The following SHLD2 variants were observed in gnomAD, a reference collection of about 807,000 sequenced individuals.
SHLD2 encodes RINN1-REV7-interacting novel NHEJ regulator 2.
A neutral mutation model predicts 73.2 loss-of-function variants in SHLD2; 30 were observed. The observed-to-expected ratio is 0.41, with a 90% CI of 0.31 to 0.56. The LOEUF is 0.56. Ranked by LOEUF, SHLD2 falls within the 20% of genes least tolerant of loss-of-function variation. The pLI is 0.28. For missense variants in SHLD2, 745 were observed against 1,055.9 expected (o/e 0.71, Z 4.08); for synonymous variants, 285 against 370.1 (o/e 0.77, Z 2.64).
chr10:87,171,665 AT>A (rs1236362695), intron 6 of SHLD2, among the ~76,000 whole-genome samples: 3 of 152,190 alleles, frequency 2.0e-5, no homozygotes, highest in Non-Finnish European at 2.9e-5. Flanking sequence ...TTAGAGATTG[AT>A]TCAGTATATT....
intron 2 of SHLD2, among the ~76,000 whole-genome samples, chr10:87,105,513 G>A (rs1336368026): frequency 6.6e-6 from 1 of 152,220 alleles, no homozygotes; most frequent in Admixed American, 6.5e-5. Flanking sequence ...TCCTTAGGAT[G>A]CCTTGACCCT....
In SHLD2 at chr10:87,190,622, A is replaced by AT. The variant is rs1302900006; in HGVS notation, c.2657dup (p.Ser887LeufsTer8). ...GAAAACAGCTATCCATTACAACAAGATTTCTCCCTCCTGGATTTTTATCCT... is the reference window on the plus strand; with the variant it reads ...GAAAACAGCTATCCATTACAACAAGATTTTCTCCCTCCTGGATTTTTATCCT... On this transcript the variant is annotated frameshift_variant, in exon 10 of 10. Transcript: ENST00000298786. LOFTEE classifies it low-confidence loss of function (END_TRUNC). 1 of 1,611,788 alleles carries AT rather than the reference A, an allele frequency of 6.2e-7. No individual in the cohort carries two copies. Among genetic ancestry groups the AT allele is most frequent in the Non-Finnish European group, 8.5e-7 (1 of 1,179,824 alleles).
chr10:87,187,460 T>G (rs1848689781), intron 9 of SHLD2, among the ~76,000 whole-genome samples: 1 of 152,226 alleles, frequency 6.6e-6, no homozygotes, highest in Non-Finnish European at 1.5e-5. Context: ...CTATTTTACT[T>G]AACTCTAGTT....
At chr10:87,154,817 G>A (rs1266024879) in intron 3 of SHLD2, among the ~76,000 whole-genome samples, 4 of 152,196 alleles carry the variant, frequency 2.6e-5, no homozygotes, top group Non-Finnish European at 4.4e-5. Context: ...GTGATACAGA[G>A]GAGGTATTTA....
chr10:87,131,205 T>TAA (rs1844405157), intron 2 of SHLD2, among the ~76,000 whole-genome samples: 1 of 152,114 alleles, frequency 6.6e-6, no homozygotes, highest in Non-Finnish European at 1.5e-5. Context: ...TTAAGCATCT[T>TAA]TTTTGTTGTG....
chr10:87,095,019 CGCGCCGGCGGG>C (rs893429196), upstream of SHLD2, among the ~76,000 whole-genome samples: 1 of 145,594 alleles, frequency 6.9e-6, no homozygotes, highest in African/African-American at 2.5e-5. Flanking sequence ...GGCGGCAGCG[CGCGCCGGCGGG>C]GCGTCGGGGG....
At chr10:87,128,292 T>C (rs1844181969) in intron 2 of SHLD2, among the ~76,000 whole-genome samples, 1 of 152,248 alleles carries the variant, frequency 6.6e-6, no homozygotes. Context: ...CATGATTTGC[T>C]GTGTCCTTGT....
chr10:87,149,577 G>A (rs1386815521), intron 2 of SHLD2, among the ~76,000 whole-genome samples: 1 of 151,854 alleles, frequency 6.6e-6, no homozygotes, highest in South Asian at 2.1e-4. Context: ...ACTAAAATTA[G>A]CTGGGCGTGG....
chr10:87,139,695 GGA>G (rs1442437142), intron 2 of SHLD2, among the ~76,000 whole-genome samples: 1 of 152,134 alleles, frequency 6.6e-6, no homozygotes, highest in Non-Finnish European at 1.5e-5. Flanking sequence ...GGGTGTGGTG[GGA>G]TGTGCCTGTA....
At chr10:87,159,148 A>G (rs1481402555) in intron 4 of SHLD2, among the ~76,000 whole-genome samples, 1 of 152,194 alleles carries the variant, frequency 6.6e-6, no homozygotes. Flanking sequence ...AAGTTATAGG[A>G]TATATATATG....
chr10:87,175,191 A>G (rs1261777611), intron 6 of SHLD2, among the ~76,000 whole-genome samples: 1 of 151,902 alleles, frequency 6.6e-6, no homozygotes, highest in African/African-American at 2.4e-5. Flanking sequence ...TTTTTGTTCT[A>G]GAAAAGTTAA....
intron 4 of SHLD2, among the ~76,000 whole-genome samples, chr10:87,170,122 G>A (rs1589632909): frequency 1.3e-5 from 2 of 152,320 alleles, no homozygotes; most frequent in East Asian, 3.9e-4. Flanking sequence ...TCAGACTCCA[G>A]GGACTGGGGA....
At chr10:87,140,292 C>T (rs949783622) in intron 2 of SHLD2, among the ~76,000 whole-genome samples, 4 of 150,988 alleles carry the variant, frequency 2.6e-5, no homozygotes, top group Admixed American at 6.6e-5. Context: ...TGGTGGCATG[C>T]GACTGTAATC....
chr10:87,154,689 T>G (rs1399985084), intron 3 of SHLD2, among the ~76,000 whole-genome samples: 11 of 152,102 alleles, frequency 7.2e-5, no homozygotes, highest in Non-Finnish European at 1.5e-4. Context: ...CCAGAATATG[T>G]TTTCACCGAA....
intron 7 of SHLD2, among the ~76,000 whole-genome samples, chr10:87,176,498 T>C (rs932841676): frequency 2.0e-5 from 3 of 152,218 alleles, no homozygotes; most frequent in African/African-American, 7.2e-5. Context: ...GTGGTAAAAA[T>C]GTATAATTCT....
intron 1 of SHLD2, 133 bp downstream of exon 1, chr10:87,095,381 G>GT (rs1390505583): frequency 6.6e-6 from 1 of 152,240 alleles, no homozygotes; most frequent in African/African-American, 2.4e-5. Flanking sequence ...TGGCGGTCTG[G>GT]TCGGGGACCG....
At chr10:87,165,950 C>G (rs1223838490) in intron 4 of SHLD2, among the ~76,000 whole-genome samples, 1 of 152,098 alleles carries the variant, frequency 6.6e-6, no homozygotes, top group Admixed American at 6.5e-5. Flanking sequence ...ACGATCATCT[C>G]AATAGGTACA....
At chr10:87,148,478 C>T (rs1348375442) in intron 2 of SHLD2, among the ~76,000 whole-genome samples, 1 of 147,870 alleles carries the variant, frequency 6.8e-6, no homozygotes, top group Non-Finnish European at 1.5e-5. Context: ...ATAGTGAAAA[C>T]TTTTATAGCA....
chr10:87,144,937 CTT>C (rs1178507966), intron 2 of SHLD2, among the ~76,000 whole-genome samples: 18,188 of 71,990 alleles, frequency 0.25, 1,415 homozygotes, highest in East Asian at 0.52. Context: ...GCCTGTAATT[CTT>C]TTTTTTTTTT....
Sources: allele counts gnomAD v4.1 joint callset (sites outside exome capture counted in the v4.1 genomes callset), GRCh38; gene constraint gnomAD v4.1.1; transcripts MANE v1.5; gene names NCBI Gene and HGNC (gene_info 2026-07-23, HGNC 2026-07-21).